Variants in SMAD3 observed in about 807,000 individuals in gnomAD.
The protein encoded by SMAD3 is MAD homolog 3.
A neutral mutation model predicts 51.8 loss-of-function variants in SMAD3; 12 were observed. That is an observed-to-expected ratio of 0.23 (90% CI 0.15 to 0.38). The LOEUF (loss-of-function observed/expected upper bound fraction) is 0.38. Among genes scored for constraint, SMAD3 ranks in the 10% least tolerant of loss-of-function variants. SMAD3 has a pLI of 1.00. For missense variants in SMAD3, 294 were observed against 565.6 expected, an observed-to-expected ratio of 0.52 and a Z score of 4.87; for synonymous variants, 238 against 227.7, an observed-to-expected ratio of 1.05 and a Z score of -0.41.
chr15:67,169,194 T>C (rs557194097), intron 4 of SMAD3, among the ~76,000 whole-genome samples: 1 of 152,210 alleles, frequency 6.6e-6, no homozygotes, highest in South Asian at 2.1e-4. Flanking sequence ...TTAGCCAAAC[T>C]CACGTAGCTG....
At chr15:67,113,095 T>TATATATATATA (rs57818600) in intron 1 of SMAD3, among the ~76,000 whole-genome samples, 4 of 91,096 alleles carry the variant, frequency 4.4e-5, no homozygotes, top group African/African-American at 6.0e-5. Flanking sequence ...TATATATATA[T>TATATATATATA]TTTTTTGAGA....
intron 1 of SMAD3, among the ~76,000 whole-genome samples, chr15:67,088,934 AG>A: frequency 6.6e-6 from 1 of 152,234 alleles, no homozygotes; most frequent in Admixed American, 6.5e-5. Context: ...CTTAAAAAAA[AG>A]GGGGTGCTGG....
At chr15:67,179,269 G>A (rs914195165) in intron 5 of SMAD3, among the ~76,000 whole-genome samples, 5 of 152,158 alleles carry the variant, frequency 3.3e-5, no homozygotes, top group Non-Finnish European at 7.4e-5. Context: ...ACTGGAGGCC[G>A]TTTTGCCCCC....
At chr15:67,164,766 G>A in intron 1 of SMAD3, 129 bp from the exon 2 acceptor site, 1 of 991,638 alleles carries the variant, frequency 1.0e-6, no homozygotes, top group Non-Finnish European at 1.6e-6. Flanking sequence ...TGATCTCCTG[G>A]ACCTCTGGAT....
intron 1 of SMAD3, among the ~76,000 whole-genome samples, chr15:67,079,713 G>C (rs1031432446): frequency 6.6e-6 from 1 of 152,136 alleles, no homozygotes; most frequent in African/African-American, 2.4e-5. Context: ...CAGAGGAGGA[G>C]GCTGAAGCAT....
At chr15:67,122,976 A>G (rs1039705068) in intron 1 of SMAD3, among the ~76,000 whole-genome samples, 4 of 152,104 alleles carry the variant, frequency 2.6e-5, no homozygotes, top group Admixed American at 6.6e-5. Flanking sequence ...GCTTGAGGCC[A>G]GAAGTTTGAG....
At position 67,151,401 on chromosome 15, in the gene SMAD3, C is replaced by T. The variant is rs571842851; in HGVS notation, c.207-13494C>T. Among the ~76,000 whole-genome samples, 269 of 152,006 alleles carry T rather than the reference C, an allele frequency of 1.8e-3. 1 individual carries two copies. The highest frequency in any genetic ancestry group is 3.3e-3 in the Non-Finnish European group (222 of 68,004). On this transcript the variant is annotated intron_variant, in intron 1 of 8. Coordinates refer to ENST00000327367, the MANE Select transcript of SMAD3 (RefSeq NM_005902.4). ...AGGCTGGAGTGCAGTGGCACAATCT[C>T]GGCTCACTGCAACCTCCACCTCCTG...
At chr15:67,152,385 T>C (rs1962170676) in intron 1 of SMAD3, among the ~76,000 whole-genome samples, 1 of 152,160 alleles carries the variant, frequency 6.6e-6, no homozygotes, top group Non-Finnish European at 1.5e-5. Context: ...AAGTGTTGGC[T>C]ACATGAACAG....
chr15:67,070,342 T>G (rs544137733), intron 1 of SMAD3, among the ~76,000 whole-genome samples: 60 of 152,278 alleles, frequency 3.9e-4, no homozygotes, highest in African/African-American at 1.3e-3. Context: ...GGGATCTGAC[T>G]CAGCTGCAGC....
intron 1 of SMAD3, among the ~76,000 whole-genome samples, chr15:67,145,390 TTG>T (rs1177083628): frequency 3.3e-5 from 5 of 152,238 alleles, no homozygotes; most frequent in Non-Finnish European, 5.9e-5. Flanking sequence ...GGGAAAGAGA[TTG>T]TTAATCTCTC....
chr15:67,110,930 G>A (rs1960999534), intron 1 of SMAD3, among the ~76,000 whole-genome samples: 1 of 152,258 alleles, frequency 6.6e-6, no homozygotes, highest in Non-Finnish European at 1.5e-5. Flanking sequence ...AACAACATTG[G>A]TACATTACTA....
At chr15:67,169,625 T>TA (rs1566993778) in intron 4 of SMAD3, among the ~76,000 whole-genome samples, 1 of 145,804 alleles carries the variant, frequency 6.9e-6, no homozygotes, top group African/African-American at 2.5e-5. Context: ...ACGGCTTATT[T>TA]TTTTTTTTTT....
chr15:67,154,618 C>T (rs997381518), intron 1 of SMAD3, among the ~76,000 whole-genome samples: 1 of 152,142 alleles, frequency 6.6e-6, no homozygotes, highest in African/African-American at 2.4e-5. Flanking sequence ...TTTAAATAAA[C>T]AACAACAGTT....
intron 5 of SMAD3, among the ~76,000 whole-genome samples, chr15:67,171,235 C>T (rs1474613417): frequency 2.6e-5 from 4 of 152,210 alleles, no homozygotes; most frequent in Non-Finnish European, 4.4e-5. Flanking sequence ...TTTGTAAACA[C>T]GTTTCCGTAT....
Position 67,065,818 on chromosome 15 carries a change from C to G in SMAD3, c.-337C>G, listed in dbSNP as rs897026680. ...GGAGGCGGCACCCAAACAGCTACCC[C>G]GTGCGGAAACCCAAACTTCTGCTGC... On this transcript the variant is annotated 5_prime_UTR_variant, in exon 1 of 9. Coordinates refer to ENST00000327367, the MANE Select transcript of SMAD3 (RefSeq NM_005902.4). 1.4e-5 allele frequency: 3 copies of G among 210,540 alleles called. 1 individual carries two copies. Among genetic ancestry groups the G allele is most frequent in the Non-Finnish European group, 2.9e-5 (3 of 103,662 alleles). The allele number at this position is 210,540 out of a possible 1,614,324, so 13.0% of individuals were successfully genotyped here.
At chr15:67,085,205 G>A (rs1405077439) in intron 1 of SMAD3, among the ~76,000 whole-genome samples, 3 of 152,248 alleles carry the variant, frequency 2.0e-5, no homozygotes, top group African/African-American at 7.2e-5. Flanking sequence ...CCCATCCTTT[G>A]TCACCGTTTT....
Position 67,190,929 on chromosome 15 carries a change from T to C in SMAD3, c.*393T>C. The C allele has an allele frequency of 3.3e-6, 1 of 305,524 alleles. No homozygotes were observed. The highest frequency in any genetic ancestry group is 6.2e-6 in the Non-Finnish European group (1 of 160,580). The allele number at this position is 305,524 out of a possible 1,614,324, so 18.9% of individuals were successfully genotyped here. The stretch of plus-strand genomic sequence containing the variant: ...CTAGGACTGCAGTGTGGAGTTCACC[T>C]TGGAAGGGCGTTCTAGGTAGGAAGA... On this transcript the variant is annotated 3_prime_UTR_variant, in exon 9 of 9. Coordinates refer to ENST00000327367, the MANE Select transcript of SMAD3 (RefSeq NM_005902.4).
intron 1 of SMAD3, among the ~76,000 whole-genome samples, chr15:67,151,150 C>T (rs1042560154): frequency 2.3e-4 from 35 of 151,956 alleles, no homozygotes; most frequent in African/African-American, 8.0e-4. Flanking sequence ...TGAGCCACCA[C>T]GCCAGGCCTT....
chr15:67,125,790 T>TCA (rs1961369929), intron 1 of SMAD3: 1 of 985,236 alleles, frequency 1.0e-6, no homozygotes, highest in Non-Finnish European at 1.2e-6. Context: ...TGGGGTTAGG[T>TCA]CACTGCTGGG....
Sources: allele counts gnomAD v4.1 joint callset (sites outside exome capture counted in the v4.1 genomes callset), GRCh38; gene constraint gnomAD v4.1.1; transcripts MANE v1.5; gene names NCBI Gene and HGNC (gene_info 2026-07-23, HGNC 2026-07-21).